CHRD: variants seen among roughly 807,000 people sequenced by gnomAD.
CHRD encodes the protein chordin.
CHRD carries 69 observed loss-of-function variants against 113.7 expected under a neutral mutation model. The observed-to-expected ratio is 0.61, with a 90% CI of 0.50 to 0.74. CHRD has a LOEUF of 0.74. Ranked by LOEUF, CHRD falls within the 30% of genes least tolerant of loss-of-function variation. The pLI, the probability that CHRD is intolerant of heterozygous loss-of-function variation, is 0.00. For synonymous variants in CHRD, 561 were observed against 540.8 expected (o/e 1.04, Z -0.52); for missense variants, 1,194 against 1,295.8 (o/e 0.92, Z 1.21).
chr3:184,382,643 G>A, exon 8 of CHRD: 1 of 1,613,288 alleles, frequency 6.2e-7, no homozygotes. Flanking sequence ...GAGACCTTCA[G>A]TGCCATCCTG....
chr3:184,381,573 G>A lies in CHRD; in HGVS notation c.460G>A (p.Asp154Asn), dbSNP rs1444844554. The change falls in exon 4 of 23, where the codon GAC becomes AAC. Residue 154 changes from aspartate to asparagine, a missense_variant. Coordinates refer to ENST00000204604, the Ensembl canonical transcript of CHRD. The surrounding 1 kb of genome is among the most constrained non-coding windows in gnomAD (Gnocchi z 4.7). ...GGACCCGGAGCATCGCAGTTATAGCGACCGCGGGGAGCCAGGCGCTGAGGA... is the reference window on the plus strand; with the variant it reads ...GGACCCGGAGCATCGCAGTTATAGCAACCGCGGGGAGCCAGGCGCTGAGGA... 1 of 1,608,384 alleles carries A rather than the reference G, an allele frequency of 6.2e-7. No homozygotes were observed. Among genetic ancestry groups the A allele is most frequent in the Admixed American group, 1.7e-5 (1 of 59,692 alleles).
At position 184,386,583 on chromosome 3, in the gene CHRD, C is replaced by T. The variant is rs780342230; in HGVS notation, c.2024C>T (p.Ala675Val). The T allele has an allele frequency of 2.0e-5, 32 of 1,589,266 alleles. No homozygotes were observed. Among genetic ancestry groups the T allele is most frequent in the Non-Finnish European group, 2.7e-5 (32 of 1,171,896 alleles). ...CGGGCGCTGGGGGCTCCGGATACAGCCTCTGCTGCGCCGCCTGTGGTGCCT... is the reference window on the plus strand; with the variant it reads ...CGGGCGCTGGGGGCTCCGGATACAGTCTCTGCTGCGCCGCCTGTGGTGCCT... The change falls in exon 16 of 23, where the codon GCC becomes GTC. Residue 675 changes from alanine to valine, a missense_variant. Physicochemically the swap from Ala to Val is moderately conservative, Grantham distance 64. Coordinates refer to ENST00000204604, the Ensembl canonical transcript of CHRD.
chr3:184,383,833 G>C (rs966819126), intron 12 of CHRD, among the ~76,000 whole-genome samples, 191 bp downstream of exon 12: 1 of 144,872 alleles, frequency 6.9e-6, no homozygotes, highest in Non-Finnish European at 1.5e-5. Context: ...CTGGAGTGCA[G>C]TGGTGTGATC....
chr3:184,380,389 C>A lies in CHRD; in HGVS notation c.71C>A (p.Ala24Asp). ...CTGCTGCTGCTCGGCTCCCGGCCGG[C>A]CCGCGGCGCCGGCCCAGAGCCCCCC... Residue 24 changes from alanine (A) to aspartate (D), a missense_variant, in exon 1 of 23, where the codon GCC (alanine) becomes GAC (aspartate). Ala to Asp is a moderately radical substitution (Grantham distance 126). Transcript: ENST00000204604. The surrounding 1 kb of genome is among the most constrained non-coding windows in gnomAD (Gnocchi z 6.3). 4 of 1,342,236 alleles carry A rather than the reference C, an allele frequency of 3.0e-6. No homozygotes were observed. The highest frequency in any genetic ancestry group is 3.9e-6 in the Non-Finnish European group (4 of 1,037,308). The allele number at this position is 1,342,236 out of a possible 1,614,324, so 83.1% of individuals were successfully genotyped here.
At chr3:184,389,693 G>A in exon 23 of CHRD, 1 of 442,628 alleles carries the variant, frequency 2.3e-6, no homozygotes. Context: ...TGTACATAAT[G>A]TCACTGGCTT....
rs745686413 is a variant in CHRD at position 184,388,869 on chromosome 3, A to C, written c.2710-24A>C. The C allele has an allele frequency of 6.2e-7, 1 of 1,608,030 alleles. No individual in the cohort carries two copies. Among genetic ancestry groups the C allele is most frequent in the Non-Finnish European group, 8.5e-7 (1 of 1,175,360 alleles). Reference sequence around the variant, plus strand: ...GTCCCAGTGCCTCTGGGGGACACTCAGTGTCTGCTCTGTCTTGTACCAGGC... The same window carrying C: ...GTCCCAGTGCCTCTGGGGGACACTCCGTGTCTGCTCTGTCTTGTACCAGGC... On this transcript the variant is annotated intron_variant, in intron 21 of 22. Transcript: ENST00000204604. This position sits in a 1 kb window ranked among gnomAD's most constrained non-coding sequence, Gnocchi z 6.1.
exon 23 of CHRD, chr3:184,389,688 A>G: frequency 2.1e-6 from 1 of 467,362 alleles, no homozygotes; most frequent in South Asian, 3.4e-5. Context: ...CCTCCTGTAC[A>G]TAATGTCACT....
Position 184,387,252 on chromosome 3 carries a change from T to C in CHRD, c.2348-122T>C. On this transcript the variant is annotated intron_variant, in intron 18 of 22. Transcript: ENST00000204604. This position sits in a 1 kb window ranked among gnomAD's most constrained non-coding sequence, Gnocchi z 6.1. ...GATGCCTGACAGGACTCATTAGTGT[T>C]ACTGGCCCCCAGGTGGGCCCTTGGC... 3 of 1,293,846 alleles carry C rather than the reference T, an allele frequency of 2.3e-6. No homozygotes were observed. Among genetic ancestry groups the C allele is most frequent in the Non-Finnish European group, 2.2e-6 (2 of 918,464 alleles). 80.1% of individuals were successfully genotyped at this position (1,293,846 alleles called of 1,614,324 possible).
chr3:184,386,095 C>G, exon 15 of CHRD: 1 of 1,614,218 alleles, frequency 6.2e-7, no homozygotes, highest in Non-Finnish European at 8.5e-7. Context: ...CGGCACCTGG[C>G]AAAAGGCATG....
At position 184,381,675 on chromosome 3, in the gene CHRD, C is replaced by T. The variant is rs1715454573; in HGVS notation, c.512-41C>T. 1.9e-6 allele frequency: 3 copies of T among 1,605,962 alleles called. No individual in the cohort carries two copies. The highest frequency in any genetic ancestry group is 2.6e-6 in the Non-Finnish European group (3 of 1,175,842). ...TGTGGTTGAGGCTGGGCCACCAAAG[C>T]GGCGTTTGACAGTGCTCAGGCCATC... On this transcript the variant is annotated intron_variant, in intron 4 of 22. Transcript: ENST00000204604. The surrounding 1 kb of genome is among the most constrained non-coding windows in gnomAD (Gnocchi z 4.7).
At chr3:184,385,580 C>T (rs144808938) in intron 14 of CHRD, among the ~76,000 whole-genome samples, 22 of 143,674 alleles carry the variant, frequency 1.5e-4, no homozygotes, top group African/African-American at 5.4e-4. Context: ...GCAGGAGAAT[C>T]GCTTGAACCT....
In CHRD at chr3:184,384,942, G is replaced by A. The variant is rs1344178365; in HGVS notation, c.1598-76G>A. ...TCCAGCTCGTGGAATGTGTGCTGGGGAGCTGGGAATGCTGGGTTTGAGGGC... is the reference window on the plus strand; with the variant it reads ...TCCAGCTCGTGGAATGTGTGCTGGGAAGCTGGGAATGCTGGGTTTGAGGGC... On this transcript the variant is annotated intron_variant, in intron 13 of 22. Coordinates refer to ENST00000204604, the Ensembl canonical transcript of CHRD. This position sits in a 1 kb window ranked among gnomAD's most constrained non-coding sequence, Gnocchi z 4.4. 3 of 1,451,478 alleles carry A rather than the reference G, an allele frequency of 2.1e-6. No homozygotes were observed. The highest frequency in any genetic ancestry group is 2.9e-6 in the Non-Finnish European group (3 of 1,045,082). 89.9% of individuals were successfully genotyped at this position (1,451,478 alleles called of 1,614,324 possible).
rs1482148978 is a variant in CHRD, at chr3:184,388,677, G to A, written c.2645G>A (p.Ser882Asn). 6.2e-7 allele frequency: 1 copy of A among 1,614,024 alleles called. No homozygotes were observed. Among genetic ancestry groups the A allele is most frequent in the Non-Finnish European group, 8.5e-7 (1 of 1,180,042 alleles). Reference sequence around the variant, plus strand: ...TTTGCTGGGCAGTGGTTCCCAGAGAGTCAGAGCTGGCACCCCTCAGTGCCC... The same window carrying A: ...TTTGCTGGGCAGTGGTTCCCAGAGAATCAGAGCTGGCACCCCTCAGTGCCC... The change falls in exon 21 of 23, where the codon AGT becomes AAT. Residue 882 changes from serine to asparagine, a missense_variant. Coordinates refer to ENST00000204604, the Ensembl canonical transcript of CHRD. This position sits in a 1 kb window ranked among gnomAD's most constrained non-coding sequence, Gnocchi z 6.1.
exon 15 of CHRD, chr3:184,386,052 G>T: frequency 6.2e-7 from 1 of 1,614,198 alleles, no homozygotes; most frequent in Non-Finnish European, 8.5e-7. Context: ...GCAGGCCCAG[G>T]GTGTGGTGAA....
At position 184,380,344 on chromosome 3, in the gene CHRD, C is replaced by T; in HGVS notation, c.26C>T (p.Ala9Val). The T allele has an allele frequency of 1.5e-6, 2 of 1,354,460 alleles. No individual in the cohort carries two copies. Among genetic ancestry groups the T allele is most frequent in the East Asian group, 3.6e-5 (1 of 28,094 alleles). 83.9% of individuals were successfully genotyped at this position (1,354,460 alleles called of 1,614,324 possible). ...ATGCCGAGCCTCCCGGCCCCGCCGGCCCCGCTGCTGCTCCTCGGGCTGCTG... is the reference window on the plus strand; with the variant it reads ...ATGCCGAGCCTCCCGGCCCCGCCGGTCCCGCTGCTGCTCCTCGGGCTGCTG... The change falls in exon 1 of 23, where the codon GCC becomes GTC. Residue 9 changes from alanine to valine, a missense_variant. Physicochemically the swap from Ala to Val is moderately conservative, Grantham distance 64. Transcript: ENST00000204604. The surrounding 1 kb of genome is among the most constrained non-coding windows in gnomAD (Gnocchi z 6.3).
exon 16 of CHRD, chr3:184,386,626 G>A (rs376517219): frequency 5.0e-6 from 8 of 1,608,300 alleles, no homozygotes; most frequent in Admixed American, 1.7e-5. Context: ...CGGCCCTAGC[G>A]CCCGCCAAAC....
chr3:184,389,404 A>G, exon 23 of CHRD: 1 of 1,613,684 alleles, frequency 6.2e-7, no homozygotes. Context: ...AGCTGGAGAA[A>G]GAAGCCGAAG....
chr3:184,383,022 G>A (rs1715695785), exon 10 of CHRD: 1 of 1,612,532 alleles, frequency 6.2e-7, no homozygotes, highest in Non-Finnish European at 8.5e-7. Context: ...CCAGGAACCA[G>A]GCTTTGCTGA....
chr3:184,382,332 A>T, intron 6 of CHRD, 57 bp from the exon 7 acceptor site: 2 of 1,600,086 alleles, frequency 1.2e-6, no homozygotes, highest in Non-Finnish European at 1.7e-6. Context: ...TGGGCATCCT[A>T]ATTGGCCTAG....
Sources: allele counts gnomAD v4.1 joint callset (sites outside exome capture counted in the v4.1 genomes callset), GRCh38; gene constraint gnomAD v4.1.1; non-coding constraint Gnocchi (gnomAD v3.1); transcripts MANE v1.5; gene names NCBI Gene and HGNC (gene_info 2026-07-23, HGNC 2026-07-21).